NKAIN1: variants seen among roughly 807,000 people sequenced by gnomAD.
The protein encoded by NKAIN1 is sodium/potassium-transporting ATPase subunit beta-1-interacting protein 1.
NKAIN1 carries 13 observed loss-of-function variants against 31.6 expected under a neutral mutation model. The observed-to-expected ratio is 0.41, with a 90% CI of 0.27 to 0.65. The LOEUF (loss-of-function observed/expected upper bound fraction) is 0.65. Among genes scored for constraint, NKAIN1 ranks in the 30% least tolerant of loss-of-function variants. The pLI is 0.30. For synonymous variants in NKAIN1, 104 were observed against 109.0 expected (o/e 0.95, Z 0.28); for missense variants, 193 against 262.2 (o/e 0.74, Z 1.82).
At position 31,189,592 on chromosome 1, in the gene NKAIN1, T is replaced by C. The variant is rs146823190; in HGVS notation, c.55-1405A>G. On this transcript the variant is annotated intron_variant, in intron 1 of 6. Coordinates refer to ENST00000373736, the MANE Select transcript of NKAIN1 (RefSeq NM_024522.3). Reference sequence around the variant, plus strand: ...TCAGCCTCCCAAAGTGCTGGGATTATAGGCGTGAGCCACTGCGCCCAGCCA... The same window carrying C: ...TCAGCCTCCCAAAGTGCTGGGATTACAGGCGTGAGCCACTGCGCCCAGCCA... 5.4e-3 allele frequency among the ~76,000 whole-genome samples: 827 copies of C among 152,266 alleles called. 5 individuals are homozygous for C. Among genetic ancestry groups the C allele is most frequent in the African/African-American group, 0.019 (779 of 41,548 alleles).
intron 1 of NKAIN1, among the ~76,000 whole-genome samples, chr1:31,200,317 G>C (rs888265817): frequency 4.6e-5 from 7 of 152,198 alleles, no homozygotes; most frequent in Admixed American, 3.9e-4. Flanking sequence ...CAAAAGCCAG[G>C]GAGTTATCTC....
Position 31,233,966 on chromosome 1 carries a change from A to G in NKAIN1, c.54+5528T>C, listed in dbSNP as rs901611361. Among the ~76,000 whole-genome samples, 4 of 152,236 alleles carry G rather than the reference A, an allele frequency of 2.6e-5. No homozygotes were observed. Among genetic ancestry groups the G allele is most frequent in the Non-Finnish European group, 4.4e-5 (3 of 68,036 alleles). On this transcript the variant is annotated intron_variant, in intron 1 of 6. Coordinates refer to ENST00000373736, the MANE Select transcript of NKAIN1 (RefSeq NM_024522.3). This position sits in a 1 kb window ranked among gnomAD's most constrained non-coding sequence, Gnocchi z 4.0. Reference sequence around the variant, plus strand: ...GCTCCTAGCCCCTGTGCCAGATCTCAGCGAAGCTGCCATTTATGGGCTGCT... The same window carrying G: ...GCTCCTAGCCCCTGTGCCAGATCTCGGCGAAGCTGCCATTTATGGGCTGCT...
intron 1 of NKAIN1, among the ~76,000 whole-genome samples, chr1:31,220,754 CAAAAAAAAA>C (rs772908877): frequency 3.4e-5 from 2 of 58,912 alleles, no homozygotes; most frequent in African/African-American, 6.2e-5. Flanking sequence ...ACTCCATCTC[CAAAAAAAAA>C]AAAAAAAAAA....
chr1:31,185,875 C>G (rs1037991122), intron 2 of NKAIN1, among the ~76,000 whole-genome samples: 10 of 152,100 alleles, frequency 6.6e-5, no homozygotes, highest in Non-Finnish European at 1.3e-4. Context: ...CTCTGACTGC[C>G]TGGCTCACCA....
At chr1:31,234,275 A>C (rs1645678813) in intron 1 of NKAIN1, among the ~76,000 whole-genome samples, 1 of 152,196 alleles carries the variant, frequency 6.6e-6, no homozygotes, top group Non-Finnish European at 1.5e-5. Context: ...AAGCAGAACC[A>C]GACCCTCCCG....
At position 31,182,623 on chromosome 1, in the gene NKAIN1, G is replaced by T. The variant is rs771791014; in HGVS notation, c.472-33C>A. 6 of 1,612,834 alleles carry T rather than the reference G, an allele frequency of 3.7e-6. No individual in the cohort carries two copies. In the African/African-American group the frequency reaches 8.0e-5, roughly 22 times the overall value. ...TGGAGATGACACGTCAGGGAGGAAG[G>T]AGGAGTGGGAACCTCTTCCTCCGCC... On this transcript the variant is annotated intron_variant, in intron 4 of 6. Transcript: ENST00000373736.
Position 31,183,891 on chromosome 1 carries a change from T to C in NKAIN1, c.397A>G (p.Ile133Val). ...SRLALEDHHV[I>V]SVTGCLLDYP... Reference sequence around the variant, plus strand: ...TCAAGCAGGCAGCCAGTGACAGAGATGACATGGTGGTCCTCCAGAGCCAGG... The same window carrying C: ...TCAAGCAGGCAGCCAGTGACAGAGACGACATGGTGGTCCTCCAGAGCCAGG... Residue 133 changes from isoleucine to valine, a missense_variant, in exon 4 of 7, where the codon ATC (isoleucine) becomes GTC (valine). Ile to Val is a conservative substitution (Grantham distance 29). Transcript: ENST00000373736. 1 of 1,614,066 alleles carries C rather than the reference T, an allele frequency of 6.2e-7. No individual in the cohort carries two copies. The highest frequency in any genetic ancestry group is 8.5e-7 in the Non-Finnish European group (1 of 1,180,026).
chr1:31,211,272 A>C (rs1044245855), intron 1 of NKAIN1, among the ~76,000 whole-genome samples: 1 of 152,222 alleles, frequency 6.6e-6, no homozygotes, highest in African/African-American at 2.4e-5. Context: ...AAGAATCCCC[A>C]AAAAACAACT....
In NKAIN1 at chr1:31,239,818, C is replaced by G. The variant is rs560639566; in HGVS notation, c.-271G>C. Among the ~76,000 whole-genome samples the G allele has an allele frequency of 6.6e-6, 1 of 151,900 alleles. No homozygotes were observed. Among genetic ancestry groups the G allele is most frequent in the Non-Finnish European group, 1.5e-5 (1 of 67,938 alleles). ...CGTCCGTCAGGCGCGCCTCCTGCCC[C>G]GGGGCGGCTGGCGGGGAGCGCGGAG... On this transcript the variant is annotated 5_prime_UTR_variant, in exon 1 of 7. Transcript: ENST00000373736. This position sits in a 1 kb window ranked among gnomAD's most constrained non-coding sequence, Gnocchi z 4.8.
chr1:31,228,883 A>G (rs1645627254), intron 1 of NKAIN1, among the ~76,000 whole-genome samples: 1 of 152,160 alleles, frequency 6.6e-6, no homozygotes, highest in Admixed American at 6.5e-5. Flanking sequence ...GGTATGAGCC[A>G]CCAGGCCTGG....
intron 1 of NKAIN1, among the ~76,000 whole-genome samples, chr1:31,197,111 T>C (rs1645333307): frequency 6.6e-6 from 1 of 150,738 alleles, no homozygotes; most frequent in Non-Finnish European, 1.5e-5. Context: ...TTACTTTTTT[T>C]TTTTTTTTTT....
At chr1:31,232,648 T>G (rs1274736537) in intron 1 of NKAIN1, among the ~76,000 whole-genome samples, 1 of 150,878 alleles carries the variant, frequency 6.6e-6, no homozygotes, top group African/African-American at 2.4e-5. Flanking sequence ...CACCCATCTC[T>G]CCTTAATACT....
At chr1:31,217,648 C>T (rs1240768634) in intron 1 of NKAIN1, among the ~76,000 whole-genome samples, 1 of 152,202 alleles carries the variant, frequency 6.6e-6, no homozygotes, top group African/African-American at 2.4e-5. Flanking sequence ...ATTCTTGTTC[C>T]AGGTATTTTT....
At chr1:31,219,972 A>G (rs183221384) in intron 1 of NKAIN1, among the ~76,000 whole-genome samples, 32 of 150,188 alleles carry the variant, frequency 2.1e-4, no homozygotes, top group Admixed American at 2.1e-3. Context: ...CACCCTGGCC[A>G]CTGCTGCTAA....
At chr1:31,216,362 A>G (rs932479469) in intron 1 of NKAIN1, among the ~76,000 whole-genome samples, 1 of 152,106 alleles carries the variant, frequency 6.6e-6, no homozygotes, top group Non-Finnish European at 1.5e-5. Flanking sequence ...CCAGAATGAC[A>G]CTGTGAGGGA....
chr1:31,182,689 G>T, intron 4 of NKAIN1, 99 bp from the exon 5 acceptor site: 2 of 1,321,746 alleles, frequency 1.5e-6, no homozygotes, highest in Non-Finnish European at 2.1e-6. Flanking sequence ...AAGGGAGGAG[G>T]CATGCCAGGA....
At chr1:31,209,167 G>A (rs1288522702) in intron 1 of NKAIN1, among the ~76,000 whole-genome samples, 1 of 152,196 alleles carries the variant, frequency 6.6e-6, no homozygotes, top group Non-Finnish European at 1.5e-5. Flanking sequence ...CCGAGGTCAG[G>A]AGATCGTGAC....
chr1:31,184,893 G>A (rs574794319), intron 3 of NKAIN1, among the ~76,000 whole-genome samples: 5 of 152,182 alleles, frequency 3.3e-5, no homozygotes, highest in East Asian at 3.9e-4. Flanking sequence ...ACTACAAAGC[G>A]CATGGCATTT....
Position 31,239,029 on chromosome 1 carries a change from G to A in NKAIN1, c.54+465C>T, listed in dbSNP as rs1645712584. ...CCTGAGAGACACACGCCGGAGCAGA[G>A]ACTTTGTGAGAAACGCTCACACAGG... On this transcript the variant is annotated intron_variant, in intron 1 of 6. Coordinates refer to ENST00000373736, the MANE Select transcript of NKAIN1 (RefSeq NM_024522.3). This position sits in a 1 kb window ranked among gnomAD's most constrained non-coding sequence, Gnocchi z 4.8. 6.6e-6 allele frequency among the ~76,000 whole-genome samples: 1 copy of A among 152,084 alleles called. No individual in the cohort carries two copies. Among genetic ancestry groups the A allele is most frequent in the Non-Finnish European group, 1.5e-5 (1 of 68,012 alleles).
Sources: gnomAD v4.1 joint callset for allele counts (sites outside exome capture counted in the v4.1 genomes callset) on GRCh38, gnomAD v4.1.1 for gene constraint, Gnocchi (gnomAD v3.1) non-coding constraint, MANE v1.5 for transcripts, NCBI Gene and HGNC (gene_info 2026-07-23, HGNC 2026-07-21) for gene names.